The following PCYT1B variants were observed in gnomAD, a reference collection of about 807,000 sequenced individuals.
The protein encoded by PCYT1B is phosphate cytidylyltransferase 1B, choline.
PCYT1B carries 10 observed loss-of-function variants against 26.4 expected under a neutral mutation model. The observed-to-expected ratio is 0.38, with a 90% CI of 0.23 to 0.64. PCYT1B has a LOEUF of 0.64. Ranked by LOEUF, PCYT1B falls within the 30% of genes least tolerant of loss-of-function variation. PCYT1B has a pLI of 0.56. For missense variants in PCYT1B, 161 were observed against 292.7 expected (o/e 0.55, Z 3.28); for synonymous variants, 131 against 108.4 (o/e 1.21, Z -1.29).
At chrX:24,642,916 T>G (rs994072097) in intron 1 of PCYT1B, among the ~76,000 whole-genome samples, 1 of 112,075 alleles carries the variant, frequency 8.9e-6, no homozygotes, top group African/African-American at 3.2e-5. Context: ...CAGCAGTCTC[T>G]TGGCACTGCT....
intron 3 of PCYT1B, among the ~76,000 whole-genome samples, chrX:24,591,102 C>G (rs140056461): frequency 8.9e-6 from 1 of 111,772 alleles, no homozygotes; most frequent in African/African-American, 3.3e-5. Flanking sequence ...CTCCACATCT[C>G]TTATATTTTC....
At chrX:24,646,585 TGAGGAA>T (rs919205480) in intron 1 of PCYT1B, among the ~76,000 whole-genome samples, 1 of 111,309 alleles carries the variant, frequency 9.0e-6, no homozygotes, top group East Asian at 2.8e-4. Flanking sequence ...CAAAATCAGT[TGAGGAA>T]CGAAGCATTC....
At chrX:24,650,338 T>C (rs1053002251), upstream of PCYT1B, among the ~76,000 whole-genome samples, 34 of 82,215 alleles carry the variant, frequency 4.1e-4, no homozygotes, top group East Asian at 2.8e-3. Flanking sequence ...TTTTTTTTTT[T>C]CAGACAGGAT....
At chrX:24,570,117 G>A (rs1265270672) in intron 7 of PCYT1B, among the ~76,000 whole-genome samples, 1 of 103,446 alleles carries the variant, frequency 9.7e-6, no homozygotes, top group East Asian at 3.1e-4. Flanking sequence ...AACCTGGGAG[G>A]TGGAGGTTGC....
At chrX:24,662,695 G>A (rs1281571722) in intron 1 of PCYT1B, among the ~76,000 whole-genome samples, 1 of 111,603 alleles carries the variant, frequency 9.0e-6, no homozygotes, top group Non-Finnish European at 1.9e-5. Flanking sequence ...GTTGGGATAT[G>A]GGTCTTCCTG....
intron 1 of PCYT1B, 21 bp from the exon 2 acceptor site, chrX:24,619,105 G>A (rs377081518): frequency 3.5e-5 from 38 of 1,082,788 alleles, no homozygotes; most frequent in Non-Finnish European, 4.5e-5. Context: ...GAAAAAGAAA[G>A]GGAATACAGT....
chrX:24,666,759 GA>G (rs1795138239), intron 1 of PCYT1B, among the ~76,000 whole-genome samples: 1 of 111,201 alleles, frequency 9.0e-6, no homozygotes, highest in African/African-American at 3.3e-5. Context: ...GCCTCATTGT[GA>G]GAATGGGGCA....
rs1416578952 is a variant in PCYT1B at position 24,565,240 on chromosome X, C to G, written c.898-2735G>C. On this transcript the variant is annotated intron_variant, in intron 7 of 7. Coordinates refer to ENST00000379144, the MANE Select transcript of PCYT1B (RefSeq NM_004845.5). ...ATTGCTCACATTTGAGCCTTAGCCCCCAGCCACTCAGTTCAATCCTTTGAT... is the reference window on the plus strand; with the variant it reads ...ATTGCTCACATTTGAGCCTTAGCCCGCAGCCACTCAGTTCAATCCTTTGAT... Among the ~76,000 whole-genome samples, 4 of 111,343 alleles carry G rather than the reference C, an allele frequency of 3.6e-5. 1 individual carries two copies. Among genetic ancestry groups the G allele is most frequent in the Non-Finnish European group, 7.5e-5 (4 of 53,051 alleles).
intron 7 of PCYT1B, among the ~76,000 whole-genome samples, chrX:24,570,315 G>A (rs1287753350): frequency 9.2e-6 from 1 of 108,954 alleles, no homozygotes; most frequent in Non-Finnish European, 1.9e-5. Context: ...GTGCAGTGGT[G>A]CAATCTCGAG....
intron 1 of PCYT1B, among the ~76,000 whole-genome samples, chrX:24,624,262 C>T (rs892419113): frequency 8.9e-5 from 10 of 111,882 alleles, no homozygotes; most frequent in African/African-American, 2.9e-4. Context: ...AGCCACCGCG[C>T]CCGGCCAAGC....
chrX:24,569,649 C>A (rs1923755737), intron 7 of PCYT1B, among the ~76,000 whole-genome samples: 1 of 112,089 alleles, frequency 8.9e-6, no homozygotes, highest in Non-Finnish European at 1.9e-5. Flanking sequence ...ATATGCCAGC[C>A]ACAAAAGGAC....
At chrX:24,652,663 T>C (rs1169126866) in intron 1 of PCYT1B, among the ~76,000 whole-genome samples, 2 of 111,558 alleles carry the variant, frequency 1.8e-5, no homozygotes, top group Non-Finnish European at 3.8e-5. Flanking sequence ...CAGATAGGTA[T>C]AGTTGCCCCA....
At chrX:24,666,606 AGTGTGTGTGTGTGT>A (rs3859985) in intron 1 of PCYT1B, among the ~76,000 whole-genome samples, 3 of 100,895 alleles carry the variant, frequency 3.0e-5, no homozygotes, top group Non-Finnish European at 6.1e-5. Flanking sequence ...TATGTGTGTG[AGTGTGTGTGTGTGT>A]GTGTGTGTGT....
intron 3 of PCYT1B, among the ~76,000 whole-genome samples, chrX:24,607,223 T>C: frequency 8.9e-6 from 1 of 112,090 alleles, no homozygotes; most frequent in Non-Finnish European, 1.9e-5. Context: ...GGTATATAAA[T>C]CTCCATGTCT....
chrX:24,578,672 G>A (rs61761931), intron 6 of PCYT1B, among the ~76,000 whole-genome samples: 2 of 111,578 alleles, frequency 1.8e-5, no homozygotes, highest in Middle Eastern at 4.6e-3. Flanking sequence ...ATTTTAAAAC[G>A]TTAGAATAAA....
intron 3 of PCYT1B, among the ~76,000 whole-genome samples, chrX:24,595,027 G>A (rs893486174): frequency 1.8e-5 from 2 of 110,984 alleles, no homozygotes; most frequent in Non-Finnish European, 3.8e-5. Context: ...GAGTAATGCT[G>A]AATAATGTTA....
intron 7 of PCYT1B, among the ~76,000 whole-genome samples, chrX:24,574,015 G>C (rs767230490): frequency 1.8e-5 from 2 of 111,213 alleles, no homozygotes; most frequent in African/African-American, 6.5e-5. Flanking sequence ...CCCAAACATT[G>C]TTCTTTTTCT....
At chrX:24,651,472 A>AAAAATAT (rs1555965467), upstream of PCYT1B, among the ~76,000 whole-genome samples, 10 of 26,047 alleles carry the variant, frequency 3.8e-4, no homozygotes, top group Admixed American at 6.4e-4. Context: ...AAAAAAAAAA[A>AAAAATAT]ATATATATAT....
chrX:24,589,543 T>C (rs1293928540), intron 4 of PCYT1B, among the ~76,000 whole-genome samples: 1 of 111,974 alleles, frequency 8.9e-6, no homozygotes, highest in Admixed American at 9.5e-5. Flanking sequence ...ATTTGTCCCA[T>C]GAAAAAGAAT....
Sources: allele counts gnomAD v4.1 joint callset (sites outside exome capture counted in the v4.1 genomes callset), GRCh38; gene constraint gnomAD v4.1.1; transcripts MANE v1.5; gene names NCBI Gene and HGNC (gene_info 2026-07-23, HGNC 2026-07-21).